Variants in DLGAP1 observed in about 807,000 individuals in gnomAD.
The protein encoded by DLGAP1 is DLG associated protein 1, also known as disks large-associated protein 1.
A neutral mutation model predicts 90.8 loss-of-function variants in DLGAP1; 11 were observed. The ratio of observed to expected loss-of-function variants is 0.12; its 90% CI spans 0.08 to 0.20. DLGAP1 has a LOEUF of 0.20. Ranked by LOEUF, DLGAP1 falls within the 10% of genes least tolerant of loss-of-function variation. DLGAP1 has a pLI of 1.00. For missense variants in DLGAP1, 1,050 were observed against 1,333.8 expected (o/e 0.79, Z 3.31); for synonymous variants, 558 against 540.7 (o/e 1.03, Z -0.44).
intron 5 of DLGAP1, among the ~76,000 whole-genome samples, chr18:3,776,711 G>A (rs939460476): frequency 2.0e-4 from 30 of 152,166 alleles, no homozygotes; most frequent in African/African-American, 6.8e-4. Context: ...TGTAACATTT[G>A]CTCAGTTGCT....
intron 5 of DLGAP1, among the ~76,000 whole-genome samples, chr18:3,765,241 C>T (rs146707200): frequency 0.015 from 2,152 of 148,300 alleles, 18 homozygotes; most frequent in Middle Eastern, 0.035. Flanking sequence ...CACCATTCTT[C>T]TGCTTCAGCC....
At chr18:4,005,501 C>T (rs982009882) in intron 2 of DLGAP1, among the ~76,000 whole-genome samples, 1 of 152,120 alleles carries the variant, frequency 6.6e-6, no homozygotes, top group Non-Finnish European at 1.5e-5. Context: ...TATATTTACC[C>T]AGTTCAATTA....
rs943294514 is a variant in DLGAP1, at chr18:4,342,649, G to C, written c.-267+112357C>G. On this transcript the variant is annotated intron_variant, in intron 1 of 12. Coordinates refer to ENST00000315677, the MANE Select transcript of DLGAP1 (RefSeq NM_004746.4). The surrounding 1 kb of genome is among the most constrained non-coding windows in gnomAD (Gnocchi z 5.8). ...AATTAGCTCTATTGAAAATGTATTTGTTTTGGTTTTGGTTAATACTACATT... is the reference window on the plus strand; with the variant it reads ...AATTAGCTCTATTGAAAATGTATTTCTTTTGGTTTTGGTTAATACTACATT... Among the ~76,000 whole-genome samples the C allele has an allele frequency of 3.9e-5, 6 of 151,982 alleles. No individual in the cohort carries two copies. Among genetic ancestry groups the C allele is most frequent in the Non-Finnish European group, 8.8e-5 (6 of 67,994 alleles).
chr18:3,997,388 C>A (rs1459045471), intron 3 of DLGAP1, among the ~76,000 whole-genome samples: 2 of 53,920 alleles, frequency 3.7e-5, no homozygotes, highest in Non-Finnish European at 7.3e-5. Context: ...GAGAAAGATG[C>A]CAGCTTGGGT....
At chr18:3,641,813 G>T in intron 7 of DLGAP1, among the ~76,000 whole-genome samples, 1 of 152,116 alleles carries the variant, frequency 6.6e-6, no homozygotes, top group East Asian at 1.9e-4. Context: ...GCTGGGCCTA[G>T]GCTTATGAGC....
chr18:3,523,745 G>A (rs1042481074), intron 10 of DLGAP1, among the ~76,000 whole-genome samples: 9 of 152,052 alleles, frequency 5.9e-5, no homozygotes, highest in Non-Finnish European at 1.3e-4. Context: ...TACACTGGGA[G>A]GCTGAGGCAG....
At chr18:4,359,677 C>T (rs147213377) in intron 1 of DLGAP1, among the ~76,000 whole-genome samples, 9 of 152,222 alleles carry the variant, frequency 5.9e-5, no homozygotes, top group East Asian at 1.9e-4. Context: ...TCCCTCTGCA[C>T]GAGACTACTA....
At chr18:4,268,596 A>G (rs942670338) in intron 1 of DLGAP1, among the ~76,000 whole-genome samples, 4 of 152,204 alleles carry the variant, frequency 2.6e-5, no homozygotes, top group Non-Finnish European at 5.9e-5. Flanking sequence ...AGCCATTCTA[A>G]TATCTTGTAA....
chr18:3,690,755 C>T (rs193144823), intron 7 of DLGAP1, among the ~76,000 whole-genome samples: 7 of 152,210 alleles, frequency 4.6e-5, no homozygotes, highest in Admixed American at 3.9e-4. Flanking sequence ...TTTTCATATA[C>T]TGTAGTTTTT....
chr18:4,395,215 CAAAAGA>C (rs1212789976), intron 1 of DLGAP1, among the ~76,000 whole-genome samples: 1 of 152,050 alleles, frequency 6.6e-6, no homozygotes, highest in Non-Finnish European at 1.5e-5. Context: ...TATTGACATA[CAAAAGA>C]AAAAGAAAGA....
rs149894066 is a variant in DLGAP1 at position 3,929,818 on chromosome 18, A to C, written c.-72-49678T>G. 2.8e-4 allele frequency among the ~76,000 whole-genome samples: 42 copies of C among 152,356 alleles called. No homozygotes were observed. The East Asian group carries it at 8.1e-3, about 29-fold the overall frequency. ...TGTTCGTCTAAATTTTTTCTCAAAA[A>C]ATAGTGTGAGGAACATTCTGTAGAT... On this transcript the variant is annotated intron_variant, in intron 3 of 12. Transcript: ENST00000315677.
chr18:4,074,933 C>G (rs1222542609), intron 2 of DLGAP1, among the ~76,000 whole-genome samples: 2 of 152,162 alleles, frequency 1.3e-5, no homozygotes, highest in African/African-American at 2.4e-5. Flanking sequence ...CAGGACAAAT[C>G]AGAATATTAA....
At chr18:4,003,669 T>A (rs2074243979) in intron 3 of DLGAP1, among the ~76,000 whole-genome samples, 2 of 151,954 alleles carry the variant, frequency 1.3e-5, no homozygotes, top group South Asian at 4.2e-4. Flanking sequence ...GCTGTTTTAA[T>A]AGAGGGAGAG....
rs1354505741 is a variant in DLGAP1 at position 3,879,747 on chromosome 18, C to T, written c.322G>A (p.Glu108Lys). Residue 108 changes from glutamate (E) to lysine (K), a missense_variant, in exon 4 of 13, where the codon GAG becomes AAG. Physicochemically the swap from Glu to Lys is moderately conservative, Grantham distance 56. Around this residue, in one of 2 missense-constraint regions of DLGAP1, gnomAD observed 485 missense variants for 454.1 expected, o/e 1.07. Transcript: ENST00000315677. This position sits in a 1 kb window ranked among gnomAD's most constrained non-coding sequence, Gnocchi z 6.6. ...RIPANLLDQF[E>K]RQLPLSRDGY... is the part of the protein sequence containing the mutation. The stretch of plus-strand genomic sequence containing the variant: ...TCGCGGCTGAGTGGCAGCTGCCGCT[C>T]GAACTGGTCCAGCAGGTTGGCGGGG... 6.2e-7 allele frequency: 1 copy of T among 1,608,114 alleles called. No homozygotes were observed. Among genetic ancestry groups the T allele is most frequent in the Non-Finnish European group, 8.5e-7 (1 of 1,179,916 alleles).
chr18:3,700,007 G>T (rs1470119264), intron 7 of DLGAP1, among the ~76,000 whole-genome samples: 1 of 152,194 alleles, frequency 6.6e-6, no homozygotes, highest in Non-Finnish European at 1.5e-5. Context: ...TGGACTTCAG[G>T]CTGCTGTTCT....
At chr18:3,821,829 G>T in intron 4 of DLGAP1, 1 of 844,684 alleles carries the variant, frequency 1.2e-6, no homozygotes, top group Non-Finnish European at 1.4e-6. Flanking sequence ...ACTTTTTAGA[G>T]AAATGGCTGT....
At chr18:4,027,038 C>G (rs913110356) in intron 2 of DLGAP1, among the ~76,000 whole-genome samples, 4 of 152,012 alleles carry the variant, frequency 2.6e-5, no homozygotes, top group African/African-American at 9.7e-5. Flanking sequence ...TCTACTGCAG[C>G]CACAGTGCTG....
chr18:3,536,017 T>C (rs1390769637), intron 9 of DLGAP1, among the ~76,000 whole-genome samples: 1 of 151,566 alleles, frequency 6.6e-6, no homozygotes, highest in African/African-American at 2.4e-5. Flanking sequence ...CCTGGGCAAC[T>C]CTGTCTCAAA....
intron 3 of DLGAP1, among the ~76,000 whole-genome samples, chr18:3,913,681 T>C (rs2072082508): frequency 6.6e-6 from 1 of 152,170 alleles, no homozygotes. Flanking sequence ...TAGTTTTAGG[T>C]TCTCATTAAT....
Sources: gnomAD v4.1 joint callset for allele counts (sites outside exome capture counted in the v4.1 genomes callset) on GRCh38, gnomAD v4.1.1 for gene constraint, gnomAD v4.1.1 regional missense constraint, Gnocchi (gnomAD v3.1) non-coding constraint, MANE v1.5 for transcripts, NCBI Gene and HGNC (gene_info 2026-07-23, HGNC 2026-07-21) for gene names.